The following PCNT variants were observed in gnomAD, a reference collection of about 807,000 sequenced individuals.
PCNT encodes kendrin.
In PCNT, 319 loss-of-function variants were observed where a neutral mutation model predicts 380.4. The ratio of observed to expected loss-of-function variants is 0.84; its 90% CI spans 0.77 to 0.92. PCNT has a LOEUF of 0.92. PCNT is among the 40% of genes least tolerant of loss of function. PCNT has a pLI of 0.00. For synonymous variants in PCNT, 1,845 were observed against 1,735.2 expected (o/e 1.06, Z -1.57); for missense variants, 4,400 against 4,255.3 (o/e 1.03, Z -0.95).
chr21:46,347,554 T>G, intron 6 of PCNT, 42 bp downstream of exon 6: 1 of 1,593,914 alleles, frequency 6.3e-7, no homozygotes, highest in Non-Finnish European at 8.6e-7. Flanking sequence ...CTGTGTATGT[T>G]GTTTTTCCTT....
chr21:46,432,248 C>T (rs1011656769), intron 38 of PCNT, 33 bp downstream of exon 38: 2 of 1,573,324 alleles, frequency 1.3e-6, no homozygotes, highest in East Asian at 2.3e-5. Context: ...GCGTCCACAC[C>T]TAAAAACGAT....
intron 2 of PCNT, among the ~76,000 whole-genome samples, chr21:46,332,696 T>C (rs1013499890): frequency 1.3e-5 from 2 of 152,244 alleles, no homozygotes; most frequent in Non-Finnish European, 2.9e-5. Context: ...TCATTGGCCA[T>C]GGGTGCTCTC....
At chr21:46,431,200 G>C (rs2087748683) in intron 37 of PCNT, 2 of 1,231,096 alleles carry the variant, frequency 1.6e-6, no homozygotes, top group Admixed American at 3.9e-5. Flanking sequence ...TTCTGAAGAG[G>C]GGGCAGGAGC....
intron 13 of PCNT, among the ~76,000 whole-genome samples, chr21:46,359,491 G>GTTTTTTTTTTTTTTTTTTTTTTT (rs1219693835): frequency 5.9e-4 from 39 of 66,072 alleles, no homozygotes; most frequent in Non-Finnish European, 8.9e-4. Flanking sequence ...TTTTTTTTTT[G>GTTTTTTTTTTTTTTTTTTTTTTT]TTTTTTTTTT....
rs2084075973 is a variant in PCNT at position 46,346,594 on chromosome 21, G to A, written c.721-149G>A. On this transcript the variant is annotated intron_variant, in intron 4 of 46. Coordinates refer to ENST00000359568, the MANE Select transcript of PCNT (RefSeq NM_006031.6). ...TGGGTGGCATCTCAGTGGCATCCGGGCCTCTGTGTCCTGCCCCTGCTTCCA... is the reference window on the plus strand; with the variant it reads ...TGGGTGGCATCTCAGTGGCATCCGGACCTCTGTGTCCTGCCCCTGCTTCCA... 3 of 964,036 alleles carry A rather than the reference G, an allele frequency of 3.1e-6. No homozygotes were observed. The East Asian group carries it at 7.9e-5, about 25-fold the overall frequency. The allele number at this position is 964,036 out of a possible 1,614,324, so 59.7% of individuals were successfully genotyped here. A position where few individuals can be genotyped will look rare whatever the true frequency, so the allele number is the denominator to read the frequency against.
At chr21:46,409,836 TGCCTGCCTCA>T (rs953730182) in intron 27 of PCNT, among the ~76,000 whole-genome samples, 2 of 151,752 alleles carry the variant, frequency 1.3e-5, no homozygotes, top group African/African-American at 4.8e-5. Context: ...TCAAGTGATC[TGCCTGCCTCA>T]GCCTCCCAAA....
intron 13 of PCNT, among the ~76,000 whole-genome samples, chr21:46,361,455 G>A (rs911701579): frequency 6.6e-6 from 1 of 152,170 alleles, no homozygotes; most frequent in Admixed American, 6.5e-5. Flanking sequence ...AGTCTACTAA[G>A]AGTCACCATG....
chr21:46,381,957 A>G, intron 16 of PCNT, 117 bp downstream of exon 16: 3 of 1,135,654 alleles, frequency 2.6e-6, no homozygotes, highest in Admixed American at 1.8e-5. Flanking sequence ...GTGCATTTAT[A>G]GTGTTGTACA....
At chr21:46,339,394 C>G (rs1348139477) in intron 3 of PCNT, among the ~76,000 whole-genome samples, 1 of 152,078 alleles carries the variant, frequency 6.6e-6, no homozygotes, top group Non-Finnish European at 1.5e-5. Flanking sequence ...TTTAGAGGGA[C>G]AGAACTAAAA....
chr21:46,425,709 T>G lies in PCNT; in HGVS notation c.7180-122T>G. ...CCTGTACGAAGCCGAGGCGGTGCCC[T>G]CCCTCTCCACAGCTGCCCGCCCTTC... On this transcript the variant is annotated intron_variant, in intron 32 of 46. Coordinates refer to ENST00000359568, the MANE Select transcript of PCNT (RefSeq NM_006031.6). This position sits in a 1 kb window ranked among gnomAD's most constrained non-coding sequence, Gnocchi z 4.2. 12 of 1,422,880 alleles carry G rather than the reference T, an allele frequency of 8.4e-6. No individual in the cohort carries two copies. Among genetic ancestry groups the G allele is most frequent in the Non-Finnish European group, 1.2e-5 (12 of 1,019,026 alleles). The allele number at this position is 1,422,880 out of a possible 1,614,324, so 88.1% of individuals were successfully genotyped here. A position where few individuals can be genotyped will look rare whatever the true frequency, so the allele number is the denominator to read the frequency against.
intron 32 of PCNT, 90 bp downstream of exon 32, chr21:46,422,214 C>A: frequency 6.6e-7 from 1 of 1,505,602 alleles, no homozygotes; most frequent in Non-Finnish European, 9.1e-7. Context: ...CGGGGAGAGC[C>A]TTGGAGGGCC....
chr21:46,399,379 C>CTCTGTGCAGCCTGTGGGTCTAGG (rs2086342247), intron 24 of PCNT, among the ~76,000 whole-genome samples: 3 of 21,540 alleles, frequency 1.4e-4, no homozygotes, highest in Admixed American at 3.0e-4. Flanking sequence ...GGGTCTGGGT[C>CTCTGTGCAGCCTGTGGGTCTAGG]TCTCTGTGCA....
Position 46,430,567 on chromosome 21 carries a change from G to C in PCNT, c.7974G>C (p.Glu2658Asp). Reference sequence around the variant, plus strand: ...CCGCGCTTCAGGAGCTGGAGAGTGAGCAGGGGAAGGGGCGTGCCCTGCAGA... The same window carrying C: ...CCGCGCTTCAGGAGCTGGAGAGTGACCAGGGGAAGGGGCGTGCCCTGCAGA... The part of the protein sequence containing the change: ...LKAALQELES[E>D]QGKGRALQSQ... The change falls in exon 37 of 47, where the codon GAG becomes GAC. Residue 2658 changes from glutamate to aspartate, a missense_variant. Transcript: ENST00000359568. 1 of 1,559,596 alleles carries C rather than the reference G, an allele frequency of 6.4e-7. No homozygotes were observed. The highest frequency in any genetic ancestry group is 8.7e-7 in the Non-Finnish European group (1 of 1,152,260).
Position 46,427,755 on chromosome 21 carries a change from G to A in PCNT, c.7454G>A (p.Ser2485Asn). Residue 2485 changes from serine (S) to asparagine (N), a missense_variant, in exon 34 of 47, where the codon AGC (serine) becomes AAC (asparagine). Coordinates refer to ENST00000359568, the MANE Select transcript of PCNT (RefSeq NM_006031.6). ...AGTGGCTCAGATCTGGGGGGTCACAGCTCCCTGCTCGAAAGGCTGGAGAAG... is the reference window on the plus strand; with the variant it reads ...AGTGGCTCAGATCTGGGGGGTCACAACTCCCTGCTCGAAAGGCTGGAGAAG... ...RLSGSDLGGHSSLLERLEKII... is the reference protein window; with the variant it reads ...RLSGSDLGGHNSLLERLEKII... 1 of 1,613,718 alleles carries A rather than the reference G, an allele frequency of 6.2e-7. No individual in the cohort carries two copies. Among genetic ancestry groups the A allele is most frequent in the Non-Finnish European group, 8.5e-7 (1 of 1,180,032 alleles).
At chr21:46,363,228 C>T (rs937600117) in intron 13 of PCNT, among the ~76,000 whole-genome samples, 3 of 152,124 alleles carry the variant, frequency 2.0e-5, no homozygotes, top group East Asian at 3.9e-4. Context: ...GTCAAGGCCA[C>T]GGGCTCCAGA....
chr21:46,436,278 T>G, intron 39 of PCNT, 130 bp downstream of exon 39: 1 of 1,050,864 alleles, frequency 9.5e-7, no homozygotes, highest in South Asian at 1.4e-5. Context: ...CTAGTCCTCT[T>G]TCTGAGACTT....
intron 38 of PCNT, among the ~76,000 whole-genome samples, chr21:46,434,991 A>G (rs971229774): frequency 6.6e-6 from 1 of 152,076 alleles, no homozygotes; most frequent in South Asian, 2.1e-4. Flanking sequence ...TTTAAAAACT[A>G]CGATGGAAAC....
intron 45 of PCNT, 91 bp from the exon 46 acceptor site, chr21:46,444,603 T>C (rs930661711): frequency 4.1e-6 from 6 of 1,455,964 alleles, no homozygotes; most frequent in East Asian, 2.3e-5. Flanking sequence ...CTGGTGCCTT[T>C]CTTCTGCACT....
At chr21:46,422,174 G>A in intron 32 of PCNT, 50 bp downstream of exon 32, 1 of 1,606,120 alleles carries the variant, frequency 6.2e-7, no homozygotes, top group South Asian at 1.1e-5. Flanking sequence ...CAGCCTCGGG[G>A]CATCCCCCAA....
Sources: gnomAD v4.1 joint callset for allele counts (sites outside exome capture counted in the v4.1 genomes callset) on GRCh38, gnomAD v4.1.1 for gene constraint, Gnocchi (gnomAD v3.1) non-coding constraint, MANE v1.5 for transcripts, NCBI Gene and HGNC (gene_info 2026-07-23, HGNC 2026-07-21) for gene names.